The following PRRC2B variants were observed in gnomAD, a reference collection of about 807,000 sequenced individuals.
The protein encoded by PRRC2B is protein PRRC2B.
In PRRC2B, 68 loss-of-function variants were observed where a neutral mutation model predicts 242.3. The observed-to-expected ratio is 0.28, with a 90% CI of 0.23 to 0.34. The LOEUF (loss-of-function observed/expected upper bound fraction) is 0.34. Ranked by LOEUF, PRRC2B falls within the 10% of genes least tolerant of loss-of-function variation. The probability of loss-of-function intolerance (pLI) is 1.00; values close to 1 mark genes in which losing one functional copy is unlikely to be tolerated. For synonymous variants in PRRC2B, 1,228 were observed against 1,173.6 expected (o/e 1.05, Z -0.95); for missense variants, 2,835 against 2,954.8 (o/e 0.96, Z 0.94).
At chr9:131,483,536 C>T in intron 23 of PRRC2B, 91 bp downstream of exon 23, 4 of 1,156,708 alleles carry the variant, frequency 3.5e-6, no homozygotes, top group Non-Finnish European at 5.2e-6. Context: ...TCAGGCTGAC[C>T]TGGGCTGGCA....
chr9:131,450,593 G>GTTT (rs533722787), intron 9 of PRRC2B, among the ~76,000 whole-genome samples: 2 of 139,896 alleles, frequency 1.4e-5, no homozygotes, highest in African/African-American at 2.6e-5. Context: ...ACTTGGTGGT[G>GTTT]TTTTTTTTTT....
At chr9:131,393,109 C>T (rs1319867829), upstream of PRRC2B, among the ~76,000 whole-genome samples, 1 of 152,084 alleles carries the variant, frequency 6.6e-6, no homozygotes, top group Non-Finnish European at 1.5e-5. Context: ...CTTCTGGGTC[C>T]AGCAGTGTGG....
chr9:131,420,676 G>C (rs1433234133), intron 1 of PRRC2B, among the ~76,000 whole-genome samples: 1 of 151,004 alleles, frequency 6.6e-6, no homozygotes, highest in Non-Finnish European at 1.5e-5. Context: ...TTTCAGTAGA[G>C]TCAGGGTGTC....
intron 9 of PRRC2B, among the ~76,000 whole-genome samples, chr9:131,451,130 TG>T (rs1942899434): frequency 1.3e-5 from 2 of 152,218 alleles, no homozygotes; most frequent in Admixed American, 1.3e-4. Flanking sequence ...CCGGGCGCAG[TG>T]GCTCACGCCT....
At chr9:131,471,151 A>G (rs2131437779) in intron 14 of PRRC2B, among the ~76,000 whole-genome samples, 168 bp downstream of exon 14, 1 of 152,228 alleles carries the variant, frequency 6.6e-6, no homozygotes, top group East Asian at 1.9e-4. Context: ...TAGGTACAAT[A>G]ATAGTTCTGT....
chr9:131,420,502 T>TCCTTC (rs1564278677), intron 1 of PRRC2B, among the ~76,000 whole-genome samples: 1 of 97,902 alleles, frequency 1.0e-5, no homozygotes, highest in African/African-American at 4.2e-5. Flanking sequence ...TCTTTTTTTT[T>TCCTTC]TTTTTTTTGA....
Position 131,475,697 on chromosome 9 carries a change from G to T in PRRC2B, c.3568G>T (p.Gly1190Cys). ...SNKGCSEDHSGLDAKSRGPRA... is the reference protein window; with the variant it reads ...SNKGCSEDHSCLDAKSRGPRA... ...CAAGGGGTGCTCTGAGGACCACAGC[G>T]GTCTAGATGCCAAGAGCCGAGGCCC... Residue 1190 changes from glycine to cysteine, a missense_variant, in exon 16 of 32, where the codon GGT becomes TGT. This residue lies in a region of PRRC2B where 1,536 missense variants were observed against 1,483.1 expected (regional missense o/e 1.04). Transcript: ENST00000683519. 1 of 1,612,942 alleles carries T rather than the reference G, an allele frequency of 6.2e-7. No individual in the cohort carries two copies. Among genetic ancestry groups the T allele is most frequent in the Non-Finnish European group, 8.5e-7 (1 of 1,179,622 alleles).
At chr9:131,441,587 C>T (rs1838576876) in intron 5 of PRRC2B, among the ~76,000 whole-genome samples, 1 of 152,156 alleles carries the variant, frequency 6.6e-6, no homozygotes, top group Non-Finnish European at 1.5e-5. Context: ...CCCACAGAAT[C>T]GACACACTGG....
chr9:131,448,966 C>T (rs992296485), intron 9 of PRRC2B, among the ~76,000 whole-genome samples: 1 of 152,182 alleles, frequency 6.6e-6, no homozygotes, highest in Non-Finnish European at 1.5e-5. Flanking sequence ...TCTGCCCTGC[C>T]ACCGCTCAAG....
Position 131,487,127 on chromosome 9 carries a change from C to T in PRRC2B, c.5857-40C>T. ...GGAGGGGAAGAACCACCTGGATGGG[C>T]CTTGCGGTTACCTCCCCGACCCCGT... On this transcript the variant is annotated intron_variant, in intron 26 of 31. Coordinates refer to ENST00000683519, the MANE Select transcript of PRRC2B (RefSeq NM_013318.4). This position sits in a 1 kb window ranked among gnomAD's most constrained non-coding sequence, Gnocchi z 5.3. 2 of 1,604,868 alleles carry T rather than the reference C, an allele frequency of 1.2e-6. No homozygotes were observed. Among genetic ancestry groups the T allele is most frequent in the East Asian group, 2.2e-5 (1 of 44,726 alleles).
chr9:131,425,768 G>A (rs1216592679), intron 1 of PRRC2B, among the ~76,000 whole-genome samples: 2 of 151,806 alleles, frequency 1.3e-5, no homozygotes, highest in Admixed American at 6.6e-5. Flanking sequence ...GATTACAGGC[G>A]TGAGCCACCA....
chr9:131,432,076 G>A (rs1009020289), intron 2 of PRRC2B, among the ~76,000 whole-genome samples: 4 of 152,160 alleles, frequency 2.6e-5, no homozygotes, highest in African/African-American at 9.7e-5. Flanking sequence ...TTACACGTGT[G>A]AGCCACCACG....
intron 1 of PRRC2B, among the ~76,000 whole-genome samples, chr9:131,424,016 A>G (rs1004427078): frequency 3.3e-5 from 5 of 151,354 alleles, no homozygotes; most frequent in African/African-American, 1.2e-4. Flanking sequence ...GTTCACTGCA[A>G]CCTCCACCTC....
chr9:131,398,415 G>A (rs1022271032), intron 1 of PRRC2B, among the ~76,000 whole-genome samples: 3 of 152,206 alleles, frequency 2.0e-5, no homozygotes, highest in Non-Finnish European at 2.9e-5. Flanking sequence ...GAAGCATTGC[G>A]TGCAGCAGGA....
chr9:131,375,357 T>C (rs994430538), intron 1 of PRRC2B, among the ~76,000 whole-genome samples: 3 of 151,568 alleles, frequency 2.0e-5, no homozygotes, highest in African/African-American at 7.3e-5. Flanking sequence ...CGAGATTGCG[T>C]CACAGCACTC....
chr9:131,481,311 C>CAAAAAAAAAAAAAAAA (rs11404767), intron 19 of PRRC2B, among the ~76,000 whole-genome samples: 1 of 79,260 alleles, frequency 1.3e-5, no homozygotes, highest in African/African-American at 5.8e-5. Flanking sequence ...ACTCCGTCTC[C>CAAAAAAAAAAAAAAAA]AAAAAAAAAA....
rs1335665533 is a variant in PRRC2B at position 131,476,165 on chromosome 9, TGTTCTGGGGACAAGAGTG to T, written c.4038_4055del (p.Ser1347_Gly1352del). The T allele has an allele frequency of 6.2e-7, 1 of 1,613,174 alleles. No individual in the cohort carries two copies. ...TCAGTGGCCAGGCAGGCCCAAACTG[TGTTCTGGGGACAAGAGTG>T]GCACTGTGGGCCGCAGGTCCCCTGA... On this transcript the variant is annotated inframe_deletion, in exon 16 of 32. Coordinates refer to ENST00000683519, the MANE Select transcript of PRRC2B (RefSeq NM_013318.4).
intron 1 of PRRC2B, among the ~76,000 whole-genome samples, chr9:131,402,060 C>T (rs147312996): frequency 0.017 from 2,545 of 152,176 alleles, 77 homozygotes; most frequent in African/African-American, 0.058. Context: ...ACCTCTACCT[C>T]CCGGGTTCAA....
chr9:131,382,174 G>A (rs569050077), intron 1 of PRRC2B, among the ~76,000 whole-genome samples: 25 of 152,036 alleles, frequency 1.6e-4, no homozygotes, highest in African/African-American at 6.0e-4. Flanking sequence ...CCGCCACCAC[G>A]CCCGGCTAAG....
Sources: gnomAD v4.1 joint callset for allele counts (sites outside exome capture counted in the v4.1 genomes callset) on GRCh38, gnomAD v4.1.1 for gene constraint, gnomAD v4.1.1 regional missense constraint, Gnocchi (gnomAD v3.1) non-coding constraint, MANE v1.5 for transcripts, NCBI Gene and HGNC (gene_info 2026-07-23, HGNC 2026-07-21) for gene names.